Variants in METTL24 observed in about 807,000 individuals in gnomAD.
METTL24 encodes the protein methyltransferase like 24, also known as probable methyltransferase-like protein 24.
A neutral mutation model predicts 32.7 loss-of-function variants in METTL24; 29 were observed. The ratio of observed to expected loss-of-function variants is 0.89; its 90% CI spans 0.66 to 1.21. The LOEUF is 1.21. Ranked by LOEUF, METTL24 falls within the 50% of genes most tolerant of loss-of-function variation. METTL24 has a pLI of 0.00. For missense variants in METTL24, 439 were observed against 468.1 expected, an observed-to-expected ratio of 0.94 and a Z score of 0.57; for synonymous variants, 163 against 179.5, an observed-to-expected ratio of 0.91 and a Z score of 0.73.
At chr6:110,283,422 C>A (rs1249881381) in intron 4 of METTL24, among the ~76,000 whole-genome samples, 2 of 152,026 alleles carry the variant, frequency 1.3e-5, no homozygotes, top group Admixed American at 1.3e-4. Flanking sequence ...CAGAGGCAAC[C>A]AAGAAGAAGC....
chr6:110,324,970 GGA>G (rs1430332551), intron 1 of METTL24, among the ~76,000 whole-genome samples: 1 of 152,196 alleles, frequency 6.6e-6, no homozygotes, highest in East Asian at 1.9e-4. Flanking sequence ...AAAATATTCA[GGA>G]GAGTTGTTCT....
chr6:110,317,087 T>C (rs1444836772), intron 2 of METTL24, among the ~76,000 whole-genome samples: 1 of 152,214 alleles, frequency 6.6e-6, no homozygotes, highest in African/African-American at 2.4e-5. Context: ...TATTTATCAG[T>C]GAATGTTAAG....
intron 4 of METTL24, 104 bp downstream of exon 4, chr6:110,298,818 C>T (rs2878176): frequency 0.067 from 62,545 of 937,276 alleles, 3,177 homozygotes; most frequent in African/African-American, 0.22. Flanking sequence ...TAAAATCGGA[C>T]CTTCAGCTAT....
chr6:110,320,628 T>C (rs530696619), intron 2 of METTL24, among the ~76,000 whole-genome samples: 1 of 152,318 alleles, frequency 6.6e-6, no homozygotes, highest in Non-Finnish European at 1.5e-5. Flanking sequence ...ACAAATTCTC[T>C]ATTATCGCTC....
chr6:110,332,819 G>A (rs1286498988), intron 1 of METTL24, among the ~76,000 whole-genome samples: 2 of 151,806 alleles, frequency 1.3e-5, no homozygotes, highest in Non-Finnish European at 2.9e-5. Flanking sequence ...TGAGGTAGGA[G>A]GATCGCTTGA....
intron 4 of METTL24, among the ~76,000 whole-genome samples, chr6:110,263,505 T>C (rs1307008653): frequency 4.6e-5 from 7 of 152,220 alleles, no homozygotes; most frequent in Admixed American, 2.6e-4. Context: ...TTCATGCTCA[T>C]GGGTAGGAAT....
intron 4 of METTL24, among the ~76,000 whole-genome samples, chr6:110,265,018 T>C (rs1770825771): frequency 6.6e-6 from 1 of 151,974 alleles, no homozygotes. Context: ...ATATACCTAA[T>C]GTAAATGACA....
At chr6:110,259,485 G>A (rs1041776617) in intron 4 of METTL24, among the ~76,000 whole-genome samples, 1 of 152,222 alleles carries the variant, frequency 6.6e-6, no homozygotes, top group African/African-American at 2.4e-5. Flanking sequence ...GAACTGGGTG[G>A]AGCCCACCAC....
intron 1 of METTL24, among the ~76,000 whole-genome samples, chr6:110,326,314 C>T (rs1772015646): frequency 6.6e-6 from 1 of 152,208 alleles, no homozygotes; most frequent in African/African-American, 2.4e-5. Flanking sequence ...ATCACACTTC[C>T]ACGTAGCTGT....
At chr6:110,351,753 T>G (rs13204962) in intron 1 of METTL24, among the ~76,000 whole-genome samples, 1 of 151,994 alleles carries the variant, frequency 6.6e-6, no homozygotes, top group African/African-American at 2.4e-5. Context: ...GCTGGTCCAG[T>G]GTGAATGTCA....
chr6:110,271,806 G>A (rs781082392), intron 4 of METTL24, among the ~76,000 whole-genome samples: 2 of 152,104 alleles, frequency 1.3e-5, no homozygotes, highest in African/African-American at 2.4e-5. Context: ...AGGATTCCTG[G>A]GGAAATAATA....
chr6:110,304,506 A>C lies in METTL24; in HGVS notation c.558-5356T>G, dbSNP rs565819757. 2.0e-5 allele frequency among the ~76,000 whole-genome samples: 3 copies of C among 152,346 alleles called. No individual in the cohort carries two copies. In the South Asian group the frequency reaches 6.2e-4, roughly 32 times the overall value. ...TGATGGAACTGAAAAACACAGCACG[A>C]GAACTTCATGAACCATACACAAATA... is the stretch of plus-strand genomic sequence containing the variant. On this transcript the variant is annotated intron_variant, in intron 3 of 4. Coordinates refer to ENST00000338882, the MANE Select transcript of METTL24 (RefSeq NM_001123364.3).
chr6:110,277,270 A>C (rs1379170629), intron 4 of METTL24, among the ~76,000 whole-genome samples: 1 of 152,168 alleles, frequency 6.6e-6, no homozygotes, highest in Non-Finnish European at 1.5e-5. Context: ...TTCCTCTTAT[A>C]GCCATACATG....
At chr6:110,351,362 G>C (rs1250443763) in intron 1 of METTL24, among the ~76,000 whole-genome samples, 1 of 152,092 alleles carries the variant, frequency 6.6e-6, no homozygotes, top group Non-Finnish European at 1.5e-5. Context: ...ATGCTACTTG[G>C]AAATAAGGCT....
chr6:110,314,994 T>A (rs1771792249), intron 3 of METTL24, among the ~76,000 whole-genome samples: 1 of 151,766 alleles, frequency 6.6e-6, no homozygotes, highest in African/African-American at 2.4e-5. Flanking sequence ...TTTTGTGTTT[T>A]TTTTTTTTGC....
chr6:110,329,558 C>T (rs1423465536), intron 1 of METTL24, among the ~76,000 whole-genome samples: 1 of 152,104 alleles, frequency 6.6e-6, no homozygotes, highest in Admixed American at 6.5e-5. Context: ...CTGGACAGAA[C>T]ATGACTCTAG....
intron 1 of METTL24, among the ~76,000 whole-genome samples, chr6:110,346,013 T>G (rs897254538): frequency 2.6e-5 from 4 of 152,218 alleles, no homozygotes; most frequent in Admixed American, 1.3e-4. Context: ...GTAGAAACCA[T>G]TCTTAGCTTA....
chr6:110,311,099 G>C (rs997352359), intron 3 of METTL24, among the ~76,000 whole-genome samples: 2 of 152,022 alleles, frequency 1.3e-5, no homozygotes. Context: ...GGGAACCCGG[G>C]GCCACCTTCC....
chr6:110,330,223 T>TG (rs1176019237), intron 1 of METTL24, among the ~76,000 whole-genome samples: 4 of 152,132 alleles, frequency 2.6e-5, no homozygotes, highest in African/African-American at 9.7e-5. Context: ...GAAGCCACAG[T>TG]GGGGGCCTGA....
Sources: allele counts gnomAD v4.1 joint callset (sites outside exome capture counted in the v4.1 genomes callset), GRCh38; gene constraint gnomAD v4.1.1; transcripts MANE v1.5; gene names NCBI Gene and HGNC (gene_info 2026-07-23, HGNC 2026-07-21).